Variants in ARHGAP44 observed in about 807,000 individuals in gnomAD.
ARHGAP44 encodes the protein Rho GTPase activating protein 44, also known as rho GTPase-activating protein 44.
ARHGAP44 carries 43 observed loss-of-function variants against 106.8 expected under a neutral mutation model. That is an observed-to-expected ratio of 0.40 (90% CI 0.32 to 0.52). The LOEUF (loss-of-function observed/expected upper bound fraction) is 0.52, where lower values mean the gene tolerates loss of function less well. ARHGAP44 is among the 20% of genes least tolerant of loss of function. ARHGAP44 has a pLI of 0.48. For synonymous variants in ARHGAP44, 439 were observed against 410.3 expected (o/e 1.07, Z -0.85); for missense variants, 866 against 1,050.5 (o/e 0.82, Z 2.43).
chr17:12,828,274 G>A (rs1392460919), intron 1 of ARHGAP44, among the ~76,000 whole-genome samples: 4 of 151,976 alleles, frequency 2.6e-5, no homozygotes, highest in African/African-American at 9.6e-5. Context: ...GTGTTAAGTA[G>A]CACTGATAAT....
intron 1 of ARHGAP44, among the ~76,000 whole-genome samples, chr17:12,854,712 A>C (rs966190695): frequency 1.3e-5 from 2 of 152,092 alleles, no homozygotes; most frequent in African/African-American, 4.8e-5. Context: ...TAATCCCAGC[A>C]CTTTGGAAGG....
At chr17:12,802,749 ATTTCTTTTT>A (rs1286206147) in intron 1 of ARHGAP44, among the ~76,000 whole-genome samples, 15 of 101,754 alleles carry the variant, frequency 1.5e-4, no homozygotes, top group African/African-American at 5.4e-4. Flanking sequence ...ATTCTTTTTT[ATTTCTTTTT>A]TTTTTTTTTT....
At chr17:12,918,606 AG>A (rs1319890528) in intron 5 of ARHGAP44, among the ~76,000 whole-genome samples, 11 of 152,212 alleles carry the variant, frequency 7.2e-5, no homozygotes, top group Non-Finnish European at 1.6e-4. Flanking sequence ...TGACTGGAAA[AG>A]TCTTACTTTA....
At chr17:12,933,411 T>G (rs1329690815) in intron 7 of ARHGAP44, among the ~76,000 whole-genome samples, 1 of 152,168 alleles carries the variant, frequency 6.6e-6, no homozygotes, top group Non-Finnish European at 1.5e-5. Flanking sequence ...ATGTGTTCCA[T>G]AAGACAAAAC....
chr17:12,815,897 A>G (rs2034583994), intron 1 of ARHGAP44, among the ~76,000 whole-genome samples: 1 of 152,180 alleles, frequency 6.6e-6, no homozygotes, highest in African/African-American at 2.4e-5. Context: ...GTTGTGTTTC[A>G]CAGTCACTGG....
intron 1 of ARHGAP44, among the ~76,000 whole-genome samples, chr17:12,804,150 T>C (rs2034202687): frequency 6.6e-6 from 1 of 152,204 alleles, no homozygotes. Context: ...TACAGGTGTT[T>C]GCAGCAATTA....
chr17:12,839,442 T>C (rs2035331640), intron 1 of ARHGAP44, among the ~76,000 whole-genome samples: 1 of 152,230 alleles, frequency 6.6e-6, no homozygotes, highest in Non-Finnish European at 1.5e-5. Context: ...TGATCTCTTC[T>C]TGAATTACTA....
chr17:12,979,980 G>C (rs976806014), intron 18 of ARHGAP44, 78 bp from the exon 19 acceptor site: 1 of 1,431,602 alleles, frequency 7.0e-7, no homozygotes, highest in Non-Finnish European at 9.4e-7. Context: ...AGGACACACA[G>C]GGTGGCCATC....
chr17:12,790,621 GAGGCCCCAC>G (rs2150746642), intron 1 of ARHGAP44: 1 of 152,688 alleles, frequency 6.5e-6, no homozygotes, highest in South Asian at 2.1e-4. Context: ...GAGGGGGACA[GAGGCCCCAC>G]AGTCAGAAGA....
chr17:12,797,967 A>C (rs2033974145), intron 1 of ARHGAP44, among the ~76,000 whole-genome samples: 2 of 152,064 alleles, frequency 1.3e-5, no homozygotes, highest in African/African-American at 4.8e-5. Context: ...AGTGATTTGA[A>C]TCTTTTATTA....
intron 1 of ARHGAP44, among the ~76,000 whole-genome samples, chr17:12,803,855 A>G (rs919345928): frequency 6.6e-6 from 1 of 152,108 alleles, no homozygotes. Context: ...CATACTATAA[A>G]TTTATCTTAG....
intron 16 of ARHGAP44, 147 bp downstream of exon 16, chr17:12,959,044 T>C (rs777888818): frequency 2.1e-6 from 2 of 960,398 alleles, no homozygotes; most frequent in Non-Finnish European, 3.1e-6. Flanking sequence ...CTGTATCTGC[T>C]GTGTCTGGGA....
chr17:12,893,634 T>C (rs1486825266), intron 1 of ARHGAP44, among the ~76,000 whole-genome samples: 1 of 152,180 alleles, frequency 6.6e-6, no homozygotes, highest in Non-Finnish European at 1.5e-5. Context: ...GGGTGGTTGT[T>C]ACAGCCTGGT....
At chr17:12,838,049 TAATAGATAACCAGTGG>T (rs941837652) in intron 1 of ARHGAP44, among the ~76,000 whole-genome samples, 1 of 152,196 alleles carries the variant, frequency 6.6e-6, no homozygotes, top group East Asian at 1.9e-4. Flanking sequence ...CTCTCTTTGA[TAATAGATAACCAGTGG>T]GTTACTTTAC....
At chr17:12,968,218 G>T (rs2039439530) in intron 16 of ARHGAP44, among the ~76,000 whole-genome samples, 1 of 152,118 alleles carries the variant, frequency 6.6e-6, no homozygotes, top group African/African-American at 2.4e-5. Context: ...TGCCACCTCG[G>T]GTGCTTGAAT....
intron 17 of ARHGAP44, 29 bp downstream of exon 17, chr17:12,973,348 C>T: frequency 3.1e-6 from 5 of 1,601,448 alleles, no homozygotes; most frequent in East Asian, 4.5e-5. Context: ...GCTATGAGGC[C>T]ATGCTCAGTC....
chr17:12,925,233 A>G (rs916153187), intron 6 of ARHGAP44, among the ~76,000 whole-genome samples: 1 of 152,146 alleles, frequency 6.6e-6, no homozygotes, highest in African/African-American at 2.4e-5. Context: ...GACTTTGCTC[A>G]TATGCCCACT....
At chr17:12,966,192 C>CA (rs889593239) in intron 16 of ARHGAP44, among the ~76,000 whole-genome samples, 16 of 151,196 alleles carry the variant, frequency 1.1e-4, no homozygotes, top group Non-Finnish European at 2.1e-4. Context: ...GAGATTATGT[C>CA]ATGGATAAGT....
At chr17:12,974,848 C>T (rs896097069) in intron 18 of ARHGAP44, among the ~76,000 whole-genome samples, 7 of 123,086 alleles carry the variant, frequency 5.7e-5, no homozygotes, top group Admixed American at 2.8e-4. Context: ...TGTGGTGTCT[C>T]TCAATTTTTT....
Sources: gnomAD v4.1 joint callset for allele counts (sites outside exome capture counted in the v4.1 genomes callset) on GRCh38, gnomAD v4.1.1 for gene constraint, MANE v1.5 for transcripts, NCBI Gene and HGNC (gene_info 2026-07-23, HGNC 2026-07-21) for gene names.